The following FAM107B variants were observed in gnomAD, a reference collection of about 807,000 sequenced individuals.
FAM107B encodes protein FAM107B.
FAM107B carries 21 observed loss-of-function variants against 31.5 expected under a neutral mutation model. The ratio of observed to expected loss-of-function variants is 0.67; its 90% CI spans 0.47 to 0.96. FAM107B has a LOEUF of 0.96. FAM107B is among the 40% of genes least tolerant of loss of function. The pLI is 0.00. For synonymous variants in FAM107B, 157 were observed against 141.5 expected (o/e 1.11, Z -0.78); for missense variants, 452 against 377.1 (o/e 1.20, Z -1.64).
intron 2 of FAM107B, among the ~76,000 whole-genome samples, chr10:14,629,012 A>T (rs981536240): frequency 6.6e-6 from 1 of 151,198 alleles, no homozygotes; most frequent in African/African-American, 2.4e-5. Flanking sequence ...TAAATATGTT[A>T]TATATATATT....
intron 2 of FAM107B, among the ~76,000 whole-genome samples, chr10:14,636,548 TTC>T (rs1181674410): frequency 6.6e-6 from 1 of 152,202 alleles, no homozygotes; most frequent in Non-Finnish European, 1.5e-5. Context: ...TGTCTAAATA[TTC>T]TCTTTTTCTA....
intron 1 of FAM107B, among the ~76,000 whole-genome samples, chr10:14,720,260 T>A (rs1226670410): frequency 2.0e-5 from 3 of 152,194 alleles, no homozygotes; most frequent in Non-Finnish European, 4.4e-5. Flanking sequence ...TTGGTAATTT[T>A]TTTTTTCCTT....
At chr10:14,594,221 A>G (rs1180583397) in intron 2 of FAM107B, among the ~76,000 whole-genome samples, 2 of 152,030 alleles carry the variant, frequency 1.3e-5, no homozygotes, top group Admixed American at 1.3e-4. Flanking sequence ...TCCCCTTAAA[A>G]CTACAATTTT....
intron 1 of FAM107B, among the ~76,000 whole-genome samples, chr10:14,716,089 C>T (rs1220909199): frequency 1.3e-5 from 2 of 152,088 alleles, no homozygotes; most frequent in Non-Finnish European, 2.9e-5. Flanking sequence ...ATATAGAAGC[C>T]CTATTGGTTT....
rs1157264138 is a variant in FAM107B, at chr10:14,603,359, C to A, written c.469+64275G>T. ...TTTAAGAATGTGAAGTCCAACAGCCCTCATTCCGTTTTTCTTTGACCCCTC... is the reference window on the plus strand; with the variant it reads ...TTTAAGAATGTGAAGTCCAACAGCCATCATTCCGTTTTTCTTTGACCCCTC... On this transcript the variant is annotated intron_variant, in intron 2 of 4. Transcript: ENST00000181796. Among the ~76,000 whole-genome samples the A allele has an allele frequency of 3.3e-5, 5 of 152,142 alleles. No individual in the cohort carries two copies. In the South Asian group the frequency reaches 1.0e-3, roughly 31 times the overall value.
chr10:14,670,845 A>C (rs1490797591), intron 1 of FAM107B, among the ~76,000 whole-genome samples: 2 of 152,206 alleles, frequency 1.3e-5, no homozygotes, highest in Non-Finnish European at 2.9e-5. Context: ...ACTAGTATAA[A>C]CTATGTTCTA....
intron 2 of FAM107B, among the ~76,000 whole-genome samples, 171 bp from the exon 3 acceptor site, chr10:14,530,686 G>C (rs972318636): frequency 6.6e-6 from 1 of 152,130 alleles, no homozygotes; most frequent in African/African-American, 2.4e-5. Context: ...AACTGGGCTG[G>C]GGCAGGGAAG....
chr10:14,759,054 T>C (rs934326000), intron 1 of FAM107B, among the ~76,000 whole-genome samples: 3 of 151,480 alleles, frequency 2.0e-5, no homozygotes, highest in Non-Finnish European at 4.4e-5. Flanking sequence ...GGCGCATGAC[T>C]GTAATCCCAG....
chr10:14,660,993 G>C (rs1854223469), intron 2 of FAM107B, among the ~76,000 whole-genome samples: 1 of 152,090 alleles, frequency 6.6e-6, no homozygotes, highest in South Asian at 2.1e-4. Context: ...TCTTGTGATA[G>C]TGAGCTCTCA....
chr10:14,757,357 G>C (rs1832951053), intron 1 of FAM107B, among the ~76,000 whole-genome samples: 2 of 150,516 alleles, frequency 1.3e-5, no homozygotes, highest in Non-Finnish European at 2.9e-5. Flanking sequence ...AATCCTGCCT[G>C]AGTTTCCAGG....
At chr10:14,644,155 G>A (rs1294362630) in intron 2 of FAM107B, among the ~76,000 whole-genome samples, 1 of 152,098 alleles carries the variant, frequency 6.6e-6, no homozygotes, top group African/African-American at 2.4e-5. Flanking sequence ...GAATCGTGGG[G>A]GAAGAGACCA....
chr10:14,743,083 C>G (rs1564283723), intron 1 of FAM107B, among the ~76,000 whole-genome samples: 1 of 152,162 alleles, frequency 6.6e-6, no homozygotes, highest in Non-Finnish European at 1.5e-5. Flanking sequence ...TAGATGGTCT[C>G]TCATTGTGGT....
chr10:14,768,711 T>C (rs1833235718), intron 1 of FAM107B, among the ~76,000 whole-genome samples: 1 of 152,214 alleles, frequency 6.6e-6, no homozygotes, highest in Non-Finnish European at 1.5e-5. Flanking sequence ...AATGAATCAC[T>C]CTCCTTCCTC....
chr10:14,626,547 A>C (rs1438999562), intron 2 of FAM107B, among the ~76,000 whole-genome samples: 1 of 125,072 alleles, frequency 8.0e-6, no homozygotes, highest in African/African-American at 3.1e-5. Context: ...TCTGTCGCCC[A>C]GGCTGGAGTG....
intron 2 of FAM107B, among the ~76,000 whole-genome samples, chr10:14,553,876 T>C (rs1849473931): frequency 6.6e-6 from 1 of 152,168 alleles, no homozygotes; most frequent in Admixed American, 6.5e-5. Context: ...GCTAAGAAAC[T>C]TGCCCAAATT....
intron 1 of FAM107B, among the ~76,000 whole-genome samples, chr10:14,686,861 C>A (rs999689630): frequency 6.6e-6 from 1 of 152,216 alleles, no homozygotes; most frequent in African/African-American, 2.4e-5. Context: ...TGTTCTCCAG[C>A]CCTCTCCTGG....
At chr10:14,699,318 T>C (rs1564629827) in intron 1 of FAM107B, among the ~76,000 whole-genome samples, 1 of 152,158 alleles carries the variant, frequency 6.6e-6, no homozygotes, top group Admixed American at 6.5e-5. Context: ...TCTCACACAA[T>C]TATGGAGGCT....
intron 1 of FAM107B, among the ~76,000 whole-genome samples, chr10:14,762,714 C>A (rs1292416732): frequency 6.8e-6 from 1 of 146,708 alleles, no homozygotes; most frequent in Non-Finnish European, 1.5e-5. Flanking sequence ...CAAGATTGTG[C>A]CACTGCACTA....
chr10:14,611,502 ATATATATATATATATATATATATATATT>A lies in FAM107B; in HGVS notation c.469+56104_469+56131del, dbSNP rs993463453. On this transcript the variant is annotated intron_variant, in intron 2 of 4. Coordinates refer to ENST00000181796, the MANE Select transcript of FAM107B (RefSeq NM_031453.4). The stretch of plus-strand genomic sequence containing the variant: ...GCCAGTTTTATATATATATATATAT[ATATATATATATATATATATATATATATT>A]CACCTAACTTCTATTAATTGCAATA... 1.0e-3 allele frequency among the ~76,000 whole-genome samples: 46 copies of A among 44,750 alleles called. 1 individual carries two copies. The highest frequency in any genetic ancestry group is 2.5e-3 in the African/African-American group (40 of 16,010). 29.4% of individuals were successfully genotyped at this position (44,750 alleles called of 152,430 possible).
Sources: gnomAD v4.1 joint callset for allele counts (sites outside exome capture counted in the v4.1 genomes callset) on GRCh38, gnomAD v4.1.1 for gene constraint, MANE v1.5 for transcripts, NCBI Gene and HGNC (gene_info 2026-07-23, HGNC 2026-07-21) for gene names.